The following JAK1 variants were observed in gnomAD, a reference collection of about 807,000 sequenced individuals.
The protein encoded by JAK1 is Janus kinase 1, also known as tyrosine-protein kinase JAK1.
A neutral mutation model predicts 136.6 loss-of-function variants in JAK1; 16 were observed. The ratio of observed to expected loss-of-function variants is 0.12; its 90% CI spans 0.08 to 0.18. The LOEUF is 0.18. Among genes scored for constraint, JAK1 ranks in the 10% least tolerant of loss-of-function variants. The probability of loss-of-function intolerance (pLI) is 1.00; values close to 1 mark genes in which losing one functional copy is unlikely to be tolerated. For missense variants in JAK1, 859 were observed against 1,450.1 expected (o/e 0.59, Z 6.62); for synonymous variants, 492 against 519.5 (o/e 0.95, Z 0.72).
intron 1 of JAK1, among the ~76,000 whole-genome samples, chr1:64,895,229 C>T (rs310256): frequency 0.21 from 32,531 of 151,936 alleles, 4,824 homozygotes; most frequent in African/African-American, 0.42. Flanking sequence ...TTTTGTAGTA[C>T]ACATGTGTGT....
intron 2 of JAK1, among the ~76,000 whole-genome samples, chr1:65,032,283 C>T (rs1251251348): frequency 2.0e-5 from 3 of 152,074 alleles, no homozygotes; most frequent in South Asian, 4.1e-4. Flanking sequence ...TTCTTTGAAG[C>T]TTTGAATTAT....
intron 1 of JAK1, among the ~76,000 whole-genome samples, chr1:65,060,699 A>G (rs929745165): frequency 1.3e-5 from 2 of 152,218 alleles, no homozygotes; most frequent in Non-Finnish European, 2.9e-5. Flanking sequence ...ATATTCTCTC[A>G]GATTCTAAAG....
At position 64,912,410 on chromosome 1, in the gene JAK1, T is replaced by C. The variant is rs1570757757; in HGVS notation, c.-77-26069A>G. Among the ~76,000 whole-genome samples, 5 of 152,344 alleles carry C rather than the reference T, an allele frequency of 3.3e-5. No individual in the cohort carries two copies. In the South Asian group the frequency reaches 1.0e-3, roughly 32 times the overall value. The stretch of plus-strand genomic sequence containing the variant: ...TCTACAGTGCAGTAGCATCCTGCAT[T>C]GACAGGCAGTTAAGGGCATACACAT... On this transcript the variant is annotated intron_variant, in intron 1 of 24. Coordinates refer to ENST00000342505, the MANE Select transcript of JAK1 (RefSeq NM_002227.4).
rs757281554 is a variant in JAK1 at position 64,855,617 on chromosome 1, G to A, written c.1540C>T (p.Arg514Cys). Residue 514 changes from arginine to cysteine, a missense_variant, in exon 11 of 25, where the codon CGC becomes TGC. Arg to Cys is a radical substitution (Grantham distance 180). Around this residue, in one of 4 missense-constraint regions of JAK1, gnomAD observed 409 missense variants for 753.8 expected, o/e 0.54. Coordinates refer to ENST00000342505, the MANE Select transcript of JAK1 (RefSeq NM_002227.4). ...AGGTCTCCCAAGCTGGGGAAGCTGC[G>A]GTCCGAACCGTGCAGACTGTAGCGG... ...KGRYSLHGSD[R>C]SFPSLGDLMS... The A allele has an allele frequency of 1.4e-5, 22 of 1,613,962 alleles. No individual in the cohort carries two copies. The highest frequency in any genetic ancestry group is 1.6e-4 in the Middle Eastern group (1 of 6,084).
At chr1:65,021,474 T>C (rs1375893792) in intron 2 of JAK1, among the ~76,000 whole-genome samples, 1 of 152,206 alleles carries the variant, frequency 6.6e-6, no homozygotes, top group African/African-American at 2.4e-5. Context: ...GTAAAGATGC[T>C]TTTGCCTATT....
At chr1:64,942,889 A>T (rs79593034) in intron 1 of JAK1, among the ~76,000 whole-genome samples, 10,786 of 152,230 alleles carry the variant, frequency 0.071, 496 homozygotes, top group South Asian at 0.11. Context: ...TAATTTTTTT[A>T]AAAAAAGAAA....
intron 2 of JAK1, among the ~76,000 whole-genome samples, chr1:65,008,560 C>G (rs536176733): frequency 1.2e-4 from 18 of 152,276 alleles, no homozygotes; most frequent in African/African-American, 3.6e-4. Context: ...CATGAGCCAG[C>G]ATGCCCCACT....
chr1:65,022,169 A>G lies in JAK1; in HGVS notation c.-78+22311T>C, dbSNP rs149763684. On this transcript the variant is annotated intron_variant, in intron 2 of 25. Coordinates refer to the JAK1 transcript ENST00000671954. ...TTTTTCCAAAGCAGGGCCTTTTCCA[A>G]AACAATTCAGGGTGATGACTACTTG... 2.9e-3 allele frequency among the ~76,000 whole-genome samples: 439 copies of G among 152,350 alleles called. 2 individuals carry two copies. Among genetic ancestry groups the G allele is most frequent in the African/African-American group, 0.01 (425 of 41,578 alleles).
intron 2 of JAK1, among the ~76,000 whole-genome samples, chr1:65,034,099 G>C (rs1647049171): frequency 6.6e-6 from 1 of 152,224 alleles, no homozygotes; most frequent in Admixed American, 6.5e-5. Context: ...ATGGGTAAAG[G>C]GGAAAGGTAT....
intron 1 of JAK1, among the ~76,000 whole-genome samples, chr1:64,931,667 C>T (rs886300608): frequency 1.6e-4 from 24 of 152,144 alleles, no homozygotes; most frequent in African/African-American, 5.8e-4. Flanking sequence ...GTACAGGCTA[C>T]TCCCTCTCTC....
rs549070937 is a variant in JAK1 at position 65,027,295 on chromosome 1, C to T, written c.-78+17185G>A. Among the ~76,000 whole-genome samples, 194 of 151,970 alleles carry T rather than the reference C, an allele frequency of 1.3e-3. 8 individuals are homozygous for T. The highest frequency in any genetic ancestry group is 1.2e-3 in the Non-Finnish European group (82 of 67,972). ...TTGGCCAGGCTGACCTCAAGTGATC[C>T]GCCCATCTCAGCCTCCCAAAGTGCT... On this transcript the variant is annotated intron_variant, in intron 2 of 25. Transcript: ENST00000671954.
chr1:64,952,563 T>C (rs1366861818), intron 1 of JAK1, among the ~76,000 whole-genome samples: 1 of 152,214 alleles, frequency 6.6e-6, no homozygotes, highest in Non-Finnish European at 1.5e-5. Context: ...AAAACACTTT[T>C]TCAAAGTGTC....
intron 1 of JAK1, among the ~76,000 whole-genome samples, chr1:64,938,561 T>G (rs1214862702): frequency 2.0e-5 from 3 of 152,234 alleles, no homozygotes. Flanking sequence ...TCAGCTTCAT[T>G]TTATTGCTCC....
In JAK1 at chr1:65,013,213, T is replaced by C. The variant is rs536453016; in HGVS notation, c.-78+31267A>G. Among the ~76,000 whole-genome samples the C allele has an allele frequency of 1.2e-4, 18 of 149,940 alleles. 1 individual carries two copies. The highest frequency in any genetic ancestry group is 3.9e-4 in the African/African-American group (16 of 40,714). ...GAGTTTGAGACCAGCCTGGCCAACA[T>C]GGTGAATCCCCATCTCTACTAAAAA... On this transcript the variant is annotated intron_variant, in intron 2 of 25. Coordinates refer to the JAK1 transcript ENST00000671954.
chr1:65,010,965 G>T (rs1646843898), intron 2 of JAK1, among the ~76,000 whole-genome samples: 1 of 152,134 alleles, frequency 6.6e-6, no homozygotes, highest in Non-Finnish European at 1.5e-5. Context: ...TCCAACCTGG[G>T]TAACAGAGAC....
intron 1 of JAK1, among the ~76,000 whole-genome samples, chr1:64,892,027 CT>C (rs1644945561): frequency 6.6e-6 from 1 of 152,256 alleles, no homozygotes; most frequent in African/African-American, 2.4e-5. Flanking sequence ...CAGTACTTTG[CT>C]TAAAGTCAGT....
rs12024070 is a variant in JAK1 at position 64,922,924 on chromosome 1, G to A, written c.-77-36583C>T. Among the ~76,000 whole-genome samples the A allele has an allele frequency of 1.7e-4, 26 of 152,116 alleles. No homozygotes were observed. In the East Asian group the frequency reaches 4.4e-3, roughly 26 times the overall value. On this transcript the variant is annotated intron_variant, in intron 1 of 24. Coordinates refer to ENST00000342505, the MANE Select transcript of JAK1 (RefSeq NM_002227.4). ...ATTTCTGCATCTCTAGTATCAATTC[G>A]CTCTCACCTAACTGTTGTCAAGGAC... is the stretch of plus-strand genomic sequence containing the variant.
rs551748448 is a variant in JAK1, at chr1:64,862,617, G to C, written c.1176+2170C>G. ...ACTTAGATGATGGGTGCACCAACTTGTGTTGGTGCTAGACTTGACTGTGTC... is the reference window on the plus strand; with the variant it reads ...ACTTAGATGATGGGTGCACCAACTTCTGTTGGTGCTAGACTTGACTGTGTC... On this transcript the variant is annotated intron_variant, in intron 8 of 24. Coordinates refer to ENST00000342505, the MANE Select transcript of JAK1 (RefSeq NM_002227.4). 6.6e-5 allele frequency among the ~76,000 whole-genome samples: 10 copies of C among 152,328 alleles called. No individual in the cohort carries two copies. In the East Asian group the frequency reaches 1.9e-3, roughly 29 times the overall value.
chr1:64,953,903 G>C (rs1319554516), intron 1 of JAK1, among the ~76,000 whole-genome samples: 3 of 152,064 alleles, frequency 2.0e-5, no homozygotes, highest in African/African-American at 7.2e-5. Context: ...TTGAACTCCT[G>C]ACCTCAAGTG....
Sources: gnomAD v4.1 joint callset for allele counts (sites outside exome capture counted in the v4.1 genomes callset) on GRCh38, gnomAD v4.1.1 for gene constraint, gnomAD v4.1.1 regional missense constraint, MANE v1.5 for transcripts, NCBI Gene and HGNC (gene_info 2026-07-23, HGNC 2026-07-21) for gene names.